Variants in ZNF577 observed in about 807,000 individuals in gnomAD.
ZNF577 encodes zinc finger protein 577.
Under a neutral mutation model 13.9 loss-of-function variants are expected in ZNF577, and 14 were observed. That is an observed-to-expected ratio of 1.00 (90% confidence interval 0.66 to 1.57). ZNF577 has a LOEUF of 1.57. ZNF577 is among the 40% of genes most tolerant of loss of function. The pLI, the probability that ZNF577 is intolerant of heterozygous loss-of-function variation, is 0.00. For missense variants in ZNF577, 555 were observed against 579.2 expected (o/e 0.96, Z 0.43); for synonymous variants, 203 against 202.9 (o/e 1.00, Z 0.00).
At chr19:51,886,083 G>C (rs1013475916) in intron 1 of ZNF577, 2 of 152,030 alleles carry the variant, frequency 1.3e-5, no homozygotes, top group African/African-American at 2.4e-5. Context: ...TGACAACCAA[G>C]CACATCTATG....
intron 5 of ZNF577, among the ~76,000 whole-genome samples, chr19:51,848,767 CTAGA>C (rs1209617943): frequency 1.3e-5 from 2 of 152,090 alleles, no homozygotes. Context: ...TTTTCCCTGG[CTAGA>C]TAATTATCCC....
intron 9 of ZNF577, chr19:51,825,015 A>G (rs968076194): frequency 9.0e-5 from 50 of 555,850 alleles, no homozygotes; most frequent in African/African-American, 8.7e-4. Flanking sequence ...TTCCAACACT[A>G]TCTACCTGGA....
At chr19:51,809,521 G>C (rs2122439952) in intron 10 of ZNF577, among the ~76,000 whole-genome samples, 1 of 152,274 alleles carries the variant, frequency 6.6e-6, no homozygotes. Flanking sequence ...TCCTTTCATG[G>C]AGAAGGGTGT....
At chr19:51,842,428 G>C (rs2084326453) in intron 8 of ZNF577, among the ~76,000 whole-genome samples, 1 of 152,014 alleles carries the variant, frequency 6.6e-6, no homozygotes. Flanking sequence ...GCTACTTTTT[G>C]CTCTCCTGCC....
At position 51,871,594 on chromosome 19, in the gene ZNF577, C is replaced by A. The variant is rs1219515248; in HGVS notation, c.*938G>T. On this transcript the variant is annotated 3_prime_UTR_variant, in exon 6 of 6. Transcript: ENST00000638348. The stretch of plus-strand genomic sequence containing the variant: ...CATATAACAATCATAGCATAAGATT[C>A]TCTGATTATAGAATAAAATCTTAAC... 2 of 152,098 alleles carry A rather than the reference C, an allele frequency of 1.3e-5. No individual in the cohort carries two copies. The highest frequency in any genetic ancestry group is 6.6e-5 in the Admixed American group (1 of 15,264). The allele number at this position is 152,098 out of a possible 1,614,324, so 9.4% of individuals were successfully genotyped here.
intron 8 of ZNF577, among the ~76,000 whole-genome samples, chr19:51,841,265 G>A (rs952486747): frequency 6.6e-6 from 1 of 152,276 alleles, no homozygotes; most frequent in East Asian, 1.9e-4. Flanking sequence ...GGTGGGCACT[G>A]GCATTAGGCT....
chr19:51,857,636 G>C (rs554435961), intron 5 of ZNF577, among the ~76,000 whole-genome samples: 1 of 152,116 alleles, frequency 6.6e-6, no homozygotes, highest in African/African-American at 2.4e-5. Flanking sequence ...TCAAAGCTCT[G>C]TCTTTGAACC....
At chr19:51,864,642 G>A (rs768930384), downstream of ZNF577, among the ~76,000 whole-genome samples, 1 of 152,174 alleles carries the variant, frequency 6.6e-6, no homozygotes, top group African/African-American at 2.4e-5. Context: ...TTTGTGGGAT[G>A]AGTGAAACGG....
At chr19:51,842,626 C>T (rs1192898497) in intron 8 of ZNF577, among the ~76,000 whole-genome samples, 1 of 152,160 alleles carries the variant, frequency 6.6e-6, no homozygotes, top group African/African-American at 2.4e-5. Flanking sequence ...GTTATAGCAG[C>T]ACAAGTGGAC....
intron 1 of ZNF577, 97 bp downstream of exon 1, chr19:51,886,723 GA>G (rs1414906824): frequency 6.6e-6 from 1 of 152,156 alleles, no homozygotes; most frequent in African/African-American, 2.4e-5. Flanking sequence ...CATACTTAAA[GA>G]ACATTTGCTC....
At chr19:51,878,566 G>T (rs199773164) in intron 3 of ZNF577, 51 bp from the exon 4 acceptor site, 155 of 1,604,194 alleles carry the variant, frequency 9.7e-5, no homozygotes, top group Non-Finnish European at 1.2e-4. Context: ...TAGATGATGC[G>T]GAGAAGAGGG....
At chr19:51,862,181 G>C (rs1444145356), downstream of ZNF577, 1 of 152,600 alleles carries the variant, frequency 6.6e-6, no homozygotes, top group Non-Finnish European at 1.5e-5. Flanking sequence ...TATACAATGA[G>C]ATTTCCCTTT....
intron 9 of ZNF577, among the ~76,000 whole-genome samples, chr19:51,836,134 CAAT>C (rs2084286244): frequency 6.6e-6 from 1 of 152,114 alleles, no homozygotes; most frequent in African/African-American, 2.4e-5. Context: ...TTCTTGAAAA[CAAT>C]AATAAAAACC....
chr19:51,877,979 A>T (rs1420075158), intron 4 of ZNF577: 1 of 158,650 alleles, frequency 6.3e-6, no homozygotes, highest in Admixed American at 6.0e-5. Flanking sequence ...CCTTGAGAAC[A>T]TCATAATAAG....
At chr19:51,841,486 G>A (rs1467188154) in intron 8 of ZNF577, among the ~76,000 whole-genome samples, 2 of 152,072 alleles carry the variant, frequency 1.3e-5, no homozygotes, top group African/African-American at 2.4e-5. Flanking sequence ...AGTGTGTTGT[G>A]GGGATCTCTA....
downstream of ZNF577, among the ~76,000 whole-genome samples, chr19:51,865,393 GC>G (rs11351230): frequency 0.27 from 40,760 of 151,952 alleles, 7,730 homozygotes; most frequent in African/African-American, 0.53. Flanking sequence ...CACCATGCCC[GC>G]GCCTTCCCAA....
chr19:51,843,038 C>T (rs1049492788), intron 7 of ZNF577: 8 of 152,120 alleles, frequency 5.3e-5, no homozygotes, highest in African/African-American at 1.9e-4. Flanking sequence ...AGTGAAATTA[C>T]ATATGGTCAC....
At position 51,869,430 on chromosome 19, in the gene ZNF577, G is replaced by A. The variant is rs1043997647; in HGVS notation, c.*3102C>T. 3.3e-5 allele frequency among the ~76,000 whole-genome samples: 5 copies of A among 151,980 alleles called. No homozygotes were observed. The South Asian group carries it at 6.2e-4, about 19-fold the overall frequency. ...ACTTATTTATGACACAGAGTCCTTC[G>A]CTCATGTTTCCTGCTGACCCTCTCC... On this transcript the variant is annotated 3_prime_UTR_variant, in exon 6 of 6. Coordinates refer to ENST00000638348, the MANE Select transcript of ZNF577 (RefSeq NM_001370449.1).
At chr19:51,884,829 A>T (rs1348632685) in intron 1 of ZNF577, among the ~76,000 whole-genome samples, 2 of 152,166 alleles carry the variant, frequency 1.3e-5, no homozygotes, top group African/African-American at 4.8e-5. Context: ...GATTTTTTGA[A>T]CTCAGATTAT....
Sources: allele counts gnomAD v4.1 joint callset (sites outside exome capture counted in the v4.1 genomes callset), GRCh38; gene constraint gnomAD v4.1.1; transcripts MANE v1.5; gene names NCBI Gene and HGNC (gene_info 2026-07-23, HGNC 2026-07-21).